CDH22: variants seen among roughly 807,000 people sequenced by gnomAD.
CDH22 encodes cadherin-22.
A neutral mutation model predicts 58.4 loss-of-function variants in CDH22; 30 were observed. That is an observed-to-expected ratio of 0.51 (90% CI 0.38 to 0.70). The LOEUF is 0.70. Among genes scored for constraint, CDH22 ranks in the 30% least tolerant of loss-of-function variants. The probability of loss-of-function intolerance (pLI) is 0.00; values close to 1 mark genes in which losing one functional copy is unlikely to be tolerated. For synonymous variants in CDH22, 513 were observed against 558.2 expected (o/e 0.92, Z 1.14); for missense variants, 1,014 against 1,233.9 (o/e 0.82, Z 2.67).
intron 3 of CDH22, among the ~76,000 whole-genome samples, chr20:46,238,001 A>G (rs2086265720): frequency 6.6e-6 from 1 of 152,130 alleles, no homozygotes; most frequent in South Asian, 2.1e-4. Context: ...TGAAGTGGTC[A>G]TGGAGGAGCC....
chr20:46,251,982 G>C lies in CDH22; in HGVS notation c.-399-289C>G, dbSNP rs2086379964. 6.6e-6 allele frequency among the ~76,000 whole-genome samples: 1 copy of C among 151,872 alleles called. No homozygotes were observed. The highest frequency in any genetic ancestry group is 2.4e-5 in the African/African-American group (1 of 41,322). ...AGCCCCTGCCCCGCTCAGCCCTCAT[G>C]CCCACACAAGGAGAGACCCTAGTAG... On this transcript the variant is annotated intron_variant, in intron 1 of 11. Transcript: ENST00000537909. The surrounding 1 kb of genome is among the most constrained non-coding windows in gnomAD (Gnocchi z 6.7).
chr20:46,181,601 T>G (rs1158511746), intron 10 of CDH22, among the ~76,000 whole-genome samples: 1 of 141,412 alleles, frequency 7.1e-6, no homozygotes, highest in East Asian at 2.0e-4. Context: ...CTTCCTTCCC[T>G]TCCTTCCTTC....
chr20:46,201,170 G>C (rs1337520316), intron 7 of CDH22, among the ~76,000 whole-genome samples: 3 of 152,252 alleles, frequency 2.0e-5, no homozygotes, highest in Non-Finnish European at 2.9e-5. Flanking sequence ...GGCTGCGCGC[G>C]GACAAAGGCC....
At chr20:46,185,004 T>C (rs565942530) in intron 10 of CDH22, among the ~76,000 whole-genome samples, 2 of 152,262 alleles carry the variant, frequency 1.3e-5, no homozygotes, top group African/African-American at 4.8e-5. Flanking sequence ...GAGAATCTCT[T>C]GACCCTGGGA....
At chr20:46,235,898 G>T (rs1410013285) in intron 3 of CDH22, among the ~76,000 whole-genome samples, 1 of 152,138 alleles carries the variant, frequency 6.6e-6, no homozygotes, top group Non-Finnish European at 1.5e-5. Flanking sequence ...AGCTGGATTA[G>T]ATTAAACCTC....
At chr20:46,199,640 A>T in intron 7 of CDH22, 81 bp from the exon 8 acceptor site, 1 of 1,508,446 alleles carries the variant, frequency 6.6e-7, no homozygotes, top group Non-Finnish European at 9.0e-7. Context: ...ACCCCACTCC[A>T]AGAGAGGGAC....
chr20:46,183,658 C>T (rs1445718052), intron 10 of CDH22, among the ~76,000 whole-genome samples: 3 of 152,158 alleles, frequency 2.0e-5, no homozygotes, highest in South Asian at 2.1e-4. Flanking sequence ...TCTCAAACTC[C>T]TTGCCTCAAG....
intron 8 of CDH22, among the ~76,000 whole-genome samples, chr20:46,198,208 CCTTA>C (rs549597315): frequency 4.2e-4 from 63 of 151,212 alleles, no homozygotes; most frequent in Non-Finnish European, 3.4e-4. Flanking sequence ...ACCTCCACAG[CCTTA>C]CTTACCTGGA....
intron 7 of CDH22, among the ~76,000 whole-genome samples, chr20:46,205,143 A>C (rs937300907): frequency 6.6e-6 from 1 of 152,010 alleles, no homozygotes; most frequent in Non-Finnish European, 1.5e-5. Context: ...CACTCCCTTT[A>C]GGCATATACA....
chr20:46,280,845 T>C (rs2086547748), intron 1 of CDH22, among the ~76,000 whole-genome samples: 2 of 152,242 alleles, frequency 1.3e-5, no homozygotes, highest in Non-Finnish European at 2.9e-5. Context: ...TTCCAAGAGC[T>C]TCTCCAACTC....
chr20:46,215,952 C>T lies in CDH22; in HGVS notation c.838+874G>A, dbSNP rs140694937. Among the ~76,000 whole-genome samples, 539 of 152,190 alleles carry T rather than the reference C, an allele frequency of 3.5e-3. 4 individuals are homozygous for T. The highest frequency in any genetic ancestry group is 0.012 in the African/African-American group (515 of 41,524). On this transcript the variant is annotated intron_variant, in intron 5 of 11. Transcript: ENST00000537909. The stretch of plus-strand genomic sequence containing the variant: ...GCCGGTTGGTGAGCTCAGCTCACTC[C>T]GCTCTGTGTCTGAGCTGAGGCTGTA...
intron 10 of CDH22, among the ~76,000 whole-genome samples, chr20:46,181,793 T>TTCTTTCTTTCTTTCTTTCTTTCTTTCTC: frequency 7.3e-6 from 1 of 136,458 alleles, no homozygotes; most frequent in Non-Finnish European, 1.6e-5. Context: ...CTTTCTTTCT[T>TTCTTTCTTTCTTTCTTTCTTTCTTTCTC]TTCTCTCTCT....
At chr20:46,271,856 T>C (rs1424358878) in intron 1 of CDH22, among the ~76,000 whole-genome samples, 1 of 152,110 alleles carries the variant, frequency 6.6e-6, no homozygotes, top group Non-Finnish European at 1.5e-5. Flanking sequence ...CTATAATGAC[T>C]CCCAAGCTTA....
chr20:46,269,423 G>A lies in CDH22; in HGVS notation c.-399-17730C>T, dbSNP rs940749583. Among the ~76,000 whole-genome samples, 5 of 152,212 alleles carry A rather than the reference G, an allele frequency of 3.3e-5. No homozygotes were observed. The South Asian group carries it at 1.0e-3, about 32-fold the overall frequency. On this transcript the variant is annotated intron_variant, in intron 1 of 11. Transcript: ENST00000537909. ...CCAATAAAATAATAAATAGTACTGA[G>A]CATAGCTAACTTTTGTCAAGTGCTT...
chr20:46,252,926 G>A (rs558391885), intron 1 of CDH22, among the ~76,000 whole-genome samples: 8 of 152,350 alleles, frequency 5.3e-5, no homozygotes, highest in Admixed American at 4.6e-4. Context: ...TTACTTCTTG[G>A]AGGAGGCGGC....
At chr20:46,189,844 T>G (rs1159858828) in intron 8 of CDH22, among the ~76,000 whole-genome samples, 2 of 152,180 alleles carry the variant, frequency 1.3e-5, no homozygotes, top group African/African-American at 4.8e-5. Flanking sequence ...CAGTACCCAT[T>G]GCCACTGCCA....
rs1176428257 is a variant in CDH22, at chr20:46,210,605, G to T, written c.1033-45C>A. ...GCCGGTTAGTGGGTGGGGTCTGGTG[G>T]ACACTGAGGCCTTCACGAGGGAGGC... On this transcript the variant is annotated intron_variant, in intron 6 of 11. Transcript: ENST00000537909. The surrounding 1 kb of genome is among the most constrained non-coding windows in gnomAD (Gnocchi z 4.5). 2.1e-6 allele frequency: 3 copies of T among 1,404,630 alleles called. No individual in the cohort carries two copies. The highest frequency in any genetic ancestry group is 2.8e-6 in the Non-Finnish European group (3 of 1,073,546). The allele number at this position is 1,404,630 out of a possible 1,614,324, so 87.0% of individuals were successfully genotyped here.
intron 7 of CDH22, among the ~76,000 whole-genome samples, 162 bp from the exon 8 acceptor site, chr20:46,199,721 T>A (rs2085941039): frequency 6.6e-6 from 1 of 152,154 alleles, no homozygotes; most frequent in African/African-American, 2.4e-5. Context: ...AGCAACTGGG[T>A]GTGCATTTCA....
intron 1 of CDH22, among the ~76,000 whole-genome samples, chr20:46,282,507 A>G (rs191010126): frequency 8.5e-5 from 13 of 152,344 alleles, no homozygotes; most frequent in Admixed American, 1.3e-4. Context: ...GGGCAAATAG[A>G]ATAAAACCTG....
Sources: allele counts gnomAD v4.1 joint callset (sites outside exome capture counted in the v4.1 genomes callset), GRCh38; gene constraint gnomAD v4.1.1; non-coding constraint Gnocchi (gnomAD v3.1); transcripts MANE v1.5; gene names NCBI Gene and HGNC (gene_info 2026-07-23, HGNC 2026-07-21).